Variants in LAMA4 observed in about 807,000 individuals in gnomAD.
LAMA4 encodes laminin subunit alpha 4.
A neutral mutation model predicts 207.1 loss-of-function variants in LAMA4; 127 were observed. The observed-to-expected ratio is 0.61, with a 90% CI of 0.53 to 0.71. The LOEUF (loss-of-function observed/expected upper bound fraction) is 0.71. LAMA4 is among the 30% of genes least tolerant of loss of function. The pLI, the probability that LAMA4 is intolerant of heterozygous loss-of-function variation, is 0.00. For missense variants in LAMA4, 2,093 were observed against 2,246.5 expected (o/e 0.93, Z 1.38); for synonymous variants, 761 against 816.0 (o/e 0.93, Z 1.15).
chr6:112,129,027 C>G lies in LAMA4; in HGVS notation c.4182G>C (p.Lys1394Asn). 1 of 1,613,050 alleles carries G rather than the reference C, an allele frequency of 6.2e-7. No individual in the cohort carries two copies. Among genetic ancestry groups the G allele is most frequent in the Non-Finnish European group, 8.5e-7 (1 of 1,179,208 alleles). The change falls in exon 31 of 39, where the codon AAG (lysine) becomes AAC (asparagine). Residue 1394 changes from lysine to asparagine, a missense_variant. Around this residue, in one of 3 missense-constraint regions of LAMA4, gnomAD observed 1,704 missense variants for 1,788.4 expected, o/e 0.95. Transcript: ENST00000230538. Reference sequence around the variant, plus strand: ...GACACTCATAAAGAGAAGTGTGGACCTTTTCAGTATACCGTTGGAAATCTT... The same window carrying G: ...GACACTCATAAAGAGAAGTGTGGACGTTTTCAGTATACCGTTGGAAATCTT... ...EVEDFQRYTEKVHTSLYECPI... is the reference protein window; with the variant it reads ...EVEDFQRYTENVHTSLYECPI...
At chr6:112,209,580 C>T (rs1329327459) in intron 3 of LAMA4, among the ~76,000 whole-genome samples, 1 of 152,188 alleles carries the variant, frequency 6.6e-6, no homozygotes, top group Non-Finnish European at 1.5e-5. Flanking sequence ...GAAAAGGTCC[C>T]TAGCTCTTCC....
chr6:112,121,442 C>T lies in LAMA4; in HGVS notation c.4475+572G>A, dbSNP rs141250398. ...AGAGATTTCTTATTGAATACTTTGC[C>T]TCTATGAATGTTTGACAGAGCTATG... is the stretch of plus-strand genomic sequence containing the variant. On this transcript the variant is annotated intron_variant, in intron 32 of 38. Coordinates refer to ENST00000230538, the MANE Select transcript of LAMA4 (RefSeq NM_001105206.3). Among the ~76,000 whole-genome samples, 3 of 152,258 alleles carry T rather than the reference C, an allele frequency of 2.0e-5. No individual in the cohort carries two copies. The East Asian group carries it at 5.8e-4, about 29-fold the overall frequency.
In LAMA4 at chr6:112,246,800, G is replaced by A. The variant is rs149125116; in HGVS notation, c.195+7156C>T. Among the ~76,000 whole-genome samples, 28 of 152,276 alleles carry A rather than the reference G, an allele frequency of 1.8e-4. No individual in the cohort carries two copies. The East Asian group carries it at 3.5e-3, about 19-fold the overall frequency. ...CTCCCAAAGTGTTGGGATTACAGGC[G>A]TGAGCCACCGTGCCCAGCTGCTGTT... On this transcript the variant is annotated intron_variant, in intron 2 of 38. Transcript: ENST00000230538.
chr6:112,116,128 G>C, intron 35 of LAMA4, 135 bp from the exon 36 acceptor site: 1 of 845,218 alleles, frequency 1.2e-6, no homozygotes. Flanking sequence ...GTAGAAAGTG[G>C]CTTTTCCATG....
chr6:112,130,818 AT>A (rs782037100), intron 29 of LAMA4, 149 bp downstream of exon 29: 11 of 760,936 alleles, frequency 1.4e-5, no homozygotes, highest in Non-Finnish European at 2.5e-5. Flanking sequence ...TAATAGCAAT[AT>A]TTTTTTGAGG....
chr6:112,237,403 A>G (rs1554366438), intron 2 of LAMA4, among the ~76,000 whole-genome samples: 1 of 152,216 alleles, frequency 6.6e-6, no homozygotes, highest in Non-Finnish European at 1.5e-5. Flanking sequence ...GATGTAGAAT[A>G]TCAGCTTGGG....
Position 112,142,118 on chromosome 6 carries a change from C to T in LAMA4, c.2667+1G>A, listed in dbSNP as rs1373538377. 4.3e-6 allele frequency: 7 copies of T among 1,614,010 alleles called. No homozygotes were observed. Among genetic ancestry groups the T allele is most frequent in the East Asian group, 2.2e-5 (1 of 44,874 alleles). ...CCCTCCTTTCAAACTCATGTGCTTA[C>T]GTTTTTGCTTCCGAGGTACAGGATA... On this transcript the variant is annotated splice_donor_variant, in intron 20 of 38. Coordinates refer to ENST00000230538, the MANE Select transcript of LAMA4 (RefSeq NM_001105206.3). LOFTEE classifies it high-confidence loss of function.
chr6:112,214,439 C>T (rs1554357953), intron 3 of LAMA4, among the ~76,000 whole-genome samples: 2 of 151,960 alleles, frequency 1.3e-5, no homozygotes, highest in African/African-American at 4.8e-5. Context: ...ATATGTGTCG[C>T]TCTGGGGGAT....
chr6:112,210,834 G>C (rs911845680), intron 3 of LAMA4, among the ~76,000 whole-genome samples: 1 of 151,966 alleles, frequency 6.6e-6, no homozygotes, highest in Non-Finnish European at 1.5e-5. Flanking sequence ...AAATATGTTT[G>C]TTTGATAAAA....
At chr6:112,203,171 G>A (rs150645606) in intron 4 of LAMA4, among the ~76,000 whole-genome samples, 7 of 152,280 alleles carry the variant, frequency 4.6e-5, no homozygotes, top group African/African-American at 1.4e-4. Context: ...TTTGGCTAGG[G>A]AAGTGAAAAC....
intron 12 of LAMA4, among the ~76,000 whole-genome samples, chr6:112,168,688 A>C (rs1371059995): frequency 1.2e-4 from 18 of 151,802 alleles, no homozygotes; most frequent in Non-Finnish European, 4.4e-5. Context: ...CTTGCCTGTC[A>C]ATCTTATACA....
At position 112,214,094 on chromosome 6, in the gene LAMA4, AC is replaced by A. The variant is rs539038910; in HGVS notation, c.297+2273del. On this transcript the variant is annotated intron_variant, in intron 3 of 38. Coordinates refer to ENST00000230538, the MANE Select transcript of LAMA4 (RefSeq NM_001105206.3). ...GTCTGGGATAGCGGCACCAAAGGAAACAGAAAAAAATGAGTTTGATTCCAGT... is the reference window on the plus strand; with the variant it reads ...GTCTGGGATAGCGGCACCAAAGGAAAAGAAAAAAATGAGTTTGATTCCAGT... 7.5e-5 allele frequency: 54 copies of A among 721,590 alleles called. No individual in the cohort carries two copies. In the African/African-American group the frequency reaches 8.9e-4, roughly 12 times the overall value. The allele number at this position is 721,590 out of a possible 1,614,324, so 44.7% of individuals were successfully genotyped here. A position where few individuals can be genotyped will look rare whatever the true frequency, so the allele number is the denominator to read the frequency against.
intron 2 of LAMA4, among the ~76,000 whole-genome samples, chr6:112,222,304 A>G (rs1784967911): frequency 1.3e-5 from 2 of 152,206 alleles, no homozygotes; most frequent in Admixed American, 6.5e-5. Context: ...TGGTTTCAAC[A>G]TTCTTCGGAG....
intron 5 of LAMA4, among the ~76,000 whole-genome samples, chr6:112,198,793 A>G (rs1304604570): frequency 6.6e-6 from 1 of 152,170 alleles, no homozygotes; most frequent in Non-Finnish European, 1.5e-5. Flanking sequence ...AATGACCACC[A>G]TGACTCATAC....
At chr6:112,187,244 C>G (rs1196315089) in intron 8 of LAMA4, 1 of 687,836 alleles carries the variant, frequency 1.5e-6, no homozygotes, top group Non-Finnish European at 2.6e-6. Flanking sequence ...GACAGTAGTT[C>G]TTGTTTTGGC....
At chr6:112,186,800 A>C (rs969701184) in intron 8 of LAMA4, 3 of 451,976 alleles carry the variant, frequency 6.6e-6, no homozygotes, top group Non-Finnish European at 1.3e-5. Flanking sequence ...GATTGGTTGA[A>C]TCTGAGGATG....
At position 112,254,268 on chromosome 6, in the gene LAMA4, C is replaced by T. The variant is rs1027908937; in HGVS notation, c.-118G>A. On this transcript the variant is annotated 5_prime_UTR_variant, in exon 2 of 39. Transcript: ENST00000230538. ...TTCCCTCCTCTCCGTGTGCAGTATC[C>T]CGAGGTGGCTGCGCAACCAGCAGCT... 4 of 1,309,650 alleles carry T rather than the reference C, an allele frequency of 3.1e-6. No homozygotes were observed. In the African/African-American group the frequency reaches 4.3e-5, roughly 14 times the overall value. The allele number at this position is 1,309,650 out of a possible 1,614,324, so 81.1% of individuals were successfully genotyped here.
chr6:112,241,172 AATATATATGAATATATATGAAT>A (rs1786463123), intron 2 of LAMA4, among the ~76,000 whole-genome samples: 2 of 89,404 alleles, frequency 2.2e-5, no homozygotes, highest in South Asian at 5.9e-4. Context: ...AATATATATG[AATATATATGAATATATATGAAT>A]ATATATGATA....
At chr6:112,134,946 T>TA (rs67315168) in intron 25 of LAMA4, among the ~76,000 whole-genome samples, 1 of 146,608 alleles carries the variant, frequency 6.8e-6, no homozygotes, top group Non-Finnish European at 1.5e-5. Flanking sequence ...TCTTTTTTTT[T>TA]AAAAAAACAA....
Sources: allele counts gnomAD v4.1 joint callset (sites outside exome capture counted in the v4.1 genomes callset), GRCh38; gene constraint gnomAD v4.1.1; regional missense constraint gnomAD v4.1.1; transcripts MANE v1.5; gene names NCBI Gene and HGNC (gene_info 2026-07-23, HGNC 2026-07-21).